The following CHD7 variants were observed in gnomAD, a reference collection of about 807,000 sequenced individuals.
CHD7 encodes the protein chromodomain helicase DNA binding protein 7, also known as ATP-dependent chromatin remodeler CHD7.
A neutral mutation model predicts 307.3 loss-of-function variants in CHD7; 24 were observed. The observed-to-expected ratio is 0.08, with a 90% CI of 0.06 to 0.11. The LOEUF is 0.11. CHD7 is among the 10% of genes least tolerant of loss of function. The pLI, the probability that CHD7 is intolerant of heterozygous loss-of-function variation, is 1.00. For synonymous variants in CHD7, 1,363 were observed against 1,349.9 expected, an observed-to-expected ratio of 1.01 and a Z score of -0.21; for missense variants, 3,106 against 3,727.1, an observed-to-expected ratio of 0.83 and a Z score of 4.34.
chr8:60,781,534 T>G, intron 3 of CHD7, 104 bp downstream of exon 3: 1 of 1,387,580 alleles, frequency 7.2e-7, no homozygotes, highest in Non-Finnish European at 9.4e-7. Flanking sequence ...GACACAATGA[T>G]TTTTGTCATC....
rs1373512004 is a variant in CHD7, at chr8:60,865,418, A to G, written c.8479A>G (p.Thr2827Ala). The G allele has an allele frequency of 1.2e-6, 2 of 1,613,774 alleles. No individual in the cohort carries two copies. The highest frequency in any genetic ancestry group is 2.2e-5 in the East Asian group (1 of 44,884). The change falls in exon 38 of 38, where the codon ACC (threonine) becomes GCC (alanine). Residue 2827 changes from threonine to alanine, a missense_variant. Around this residue, in one of 10 missense-constraint regions of CHD7, gnomAD observed 351 missense variants for 366.2 expected, o/e 0.96. Transcript: ENST00000423902. This position sits in a 1 kb window ranked among gnomAD's most constrained non-coding sequence, Gnocchi z 4.3. The part of the protein sequence containing the change: ...NNPLSAATGN[T>A]TTASSQGEPE... ...CCCTCTGTCAGCTGCTACTGGAAAC[A>G]CCACTACTGCTTCTAGTCAAGGAGA...
chr8:60,832,778 C>G (rs992138143), intron 15 of CHD7, among the ~76,000 whole-genome samples: 1 of 152,132 alleles, frequency 6.6e-6, no homozygotes, highest in African/African-American at 2.4e-5. Context: ...CCCCAAAACA[C>G]AGCTGGTGTG....
chr8:60,682,101 T>C (rs1269397099), intron 1 of CHD7, among the ~76,000 whole-genome samples: 1 of 152,172 alleles, frequency 6.6e-6, no homozygotes, highest in African/African-American at 2.4e-5. Context: ...AGAAATAACT[T>C]TTTTTCCCAA....
rs1175272731 is a variant in CHD7, at chr8:60,742,707, C to T, written c.1275C>T (p.Gly425=). 1.2e-6 allele frequency: 2 copies of T among 1,612,784 alleles called. No homozygotes were observed. The highest frequency in any genetic ancestry group is 1.7e-6 in the Non-Finnish European group (2 of 1,178,852). ...GTGCTGGGATACCAATGGAAGTTGGCAGTTATCCAAATATGCCCCATCCTC... is the reference window on the plus strand; with the variant it reads ...GTGCTGGGATACCAATGGAAGTTGGTAGTTATCCAAATATGCCCCATCCTC... ...PGSAGIPMEV[G]SYPNMPHPQP... is the part of the protein sequence containing the mutation. The change falls in exon 2 of 38, where the codon GGC becomes GGT. Residue 425 remains glycine, a synonymous_variant. Coordinates refer to ENST00000423902, the MANE Select transcript of CHD7 (RefSeq NM_017780.4).
In CHD7 at chr8:60,865,574, G is replaced by A; in HGVS notation, c.8635G>A (p.Ala2879Thr). 1.9e-6 allele frequency: 3 copies of A among 1,614,062 alleles called. No individual in the cohort carries two copies. Among genetic ancestry groups the A allele is most frequent in the Non-Finnish European group, 2.5e-6 (3 of 1,179,904 alleles). The change falls in exon 38 of 38, where the codon GCC becomes ACC. Residue 2879 changes from alanine (A) to threonine (T), a missense_variant. By Grantham distance (58) the Ala-to-Thr change is moderately conservative. Transcript: ENST00000423902. The surrounding 1 kb of genome is among the most constrained non-coding windows in gnomAD (Gnocchi z 4.3). ...GAATGGATCTGTTGGTGCTGCTACT[G>A]CCCCGGCTGGATTGCCCTCAAACCC... ...SANGSVGAAT[A>T]PAGLPSNPLA...
intron 9 of CHD7, among the ~76,000 whole-genome samples, chr8:60,821,384 T>C (rs1261306839): frequency 6.6e-6 from 1 of 152,150 alleles, no homozygotes; most frequent in African/African-American, 2.4e-5. Flanking sequence ...TGTTTCCAGT[T>C]TAGACTTGAG....
intron 1 of CHD7, among the ~76,000 whole-genome samples, chr8:60,716,542 C>G (rs1008447565): frequency 6.6e-6 from 1 of 152,192 alleles, no homozygotes; most frequent in African/African-American, 2.4e-5. Context: ...CAGTTCCTTC[C>G]CGATCATACA....
At chr8:60,809,161 G>A (rs1159079613) in intron 7 of CHD7, among the ~76,000 whole-genome samples, 2 of 152,074 alleles carry the variant, frequency 1.3e-5, no homozygotes, top group Non-Finnish European at 2.9e-5. Context: ...TGTTGTAGTT[G>A]GCACTGTTAA....
At chr8:60,822,797 T>C in intron 12 of CHD7, 51 bp downstream of exon 12, 1 of 1,434,454 alleles carries the variant, frequency 7.0e-7, no homozygotes, top group Non-Finnish European at 9.2e-7. Context: ...CATTTTAAGG[T>C]GTTAAAAAAA....
chr8:60,789,451 A>G (rs957979269), intron 3 of CHD7, among the ~76,000 whole-genome samples: 1 of 152,212 alleles, frequency 6.6e-6, no homozygotes, highest in African/African-American at 2.4e-5. Flanking sequence ...ATTTTTCCCA[A>G]TATGGTGAGA....
At chr8:60,805,722 A>C (rs1456483590) in intron 6 of CHD7, among the ~76,000 whole-genome samples, 2 of 152,184 alleles carry the variant, frequency 1.3e-5, no homozygotes, top group Admixed American at 1.3e-4. Context: ...AATGAGAAGA[A>C]AAGGGACAGT....
At chr8:60,800,315 A>C in intron 4 of CHD7, 73 bp from the exon 5 acceptor site, 1 of 1,498,676 alleles carries the variant, frequency 6.7e-7, no homozygotes, top group Non-Finnish European at 9.1e-7. Flanking sequence ...TACAGGCGTG[A>C]GCCACTGCGC....
At position 60,836,997 on chromosome 8, in the gene CHD7, C is replaced by T. The variant is rs907362259; in HGVS notation, c.4170C>T (p.Pro1390=). Residue 1390 remains proline, a synonymous_variant, in exon 17 of 38, where the codon CCC becomes CCT. Coordinates refer to ENST00000423902, the MANE Select transcript of CHD7 (RefSeq NM_017780.4). Reference sequence around the variant, plus strand: ...TCATCTTTGATTCAGACTGGAATCCCCAAAATGACCTCCAGGTAAATGCAC... The same window carrying T: ...TCATCTTTGATTCAGACTGGAATCCTCAAAATGACCTCCAGGTAAATGCAC... ...TCIIFDSDWN[P]QNDLQAQARC... 5.0e-6 allele frequency: 8 copies of T among 1,608,266 alleles called. No individual in the cohort carries two copies. Among genetic ancestry groups the T allele is most frequent in the South Asian group, 3.3e-5 (3 of 90,436 alleles).
intron 8 of CHD7, among the ~76,000 whole-genome samples, chr8:60,819,668 T>C (rs1349205435): frequency 6.6e-6 from 1 of 152,236 alleles, no homozygotes; most frequent in African/African-American, 2.4e-5. Context: ...AAACTGTAGT[T>C]TCGAGAATGC....
intron 2 of CHD7, among the ~76,000 whole-genome samples, chr8:60,745,846 G>A (rs1809295359): frequency 6.6e-6 from 1 of 152,028 alleles, no homozygotes; most frequent in African/African-American, 2.4e-5. Context: ...TAGTTAAGCA[G>A]GAAAAATAGC....
chr8:60,694,290 A>G lies in CHD7; in HGVS notation c.-175+15208A>G, dbSNP rs529899711. 3.9e-5 allele frequency among the ~76,000 whole-genome samples: 6 copies of G among 152,354 alleles called. No homozygotes were observed. The South Asian group carries it at 6.2e-4, about 16-fold the overall frequency. ...AGTCTGTTGCTACTAACTTGTCGGT[A>G]TAACTTTAATGTTTGTGAAGGTGTG... On this transcript the variant is annotated intron_variant, in intron 1 of 37. Transcript: ENST00000423902.
chr8:60,793,005 A>G (rs542407277), intron 3 of CHD7, among the ~76,000 whole-genome samples: 1 of 152,376 alleles, frequency 6.6e-6, no homozygotes, highest in South Asian at 2.1e-4. Context: ...AGATGGCTTT[A>G]GTCAGTGGCA....
chr8:60,866,123 A>T lies in CHD7; in HGVS notation c.*190A>T, dbSNP rs1032110611. ...TTGGTCATTAAGTATTGTGCAGTGC[A>T]TTATTTATTATCCCTAGGAGAGATG... On this transcript the variant is annotated 3_prime_UTR_variant, in exon 38 of 38. Transcript: ENST00000423902. 2.1e-5 allele frequency: 12 copies of T among 558,414 alleles called. No individual in the cohort carries two copies. The South Asian group carries it at 2.9e-4, about 13-fold the overall frequency. The allele number at this position is 558,414 out of a possible 1,614,324, so 34.6% of individuals were successfully genotyped here.
At chr8:60,753,928 A>C (rs1388238763) in intron 2 of CHD7, among the ~76,000 whole-genome samples, 2 of 152,060 alleles carry the variant, frequency 1.3e-5, no homozygotes, top group Non-Finnish European at 2.9e-5. Context: ...CCCTGCTGCA[A>C]ATCATTAAAT....
Sources: allele counts gnomAD v4.1 joint callset (sites outside exome capture counted in the v4.1 genomes callset), GRCh38; gene constraint gnomAD v4.1.1; regional missense constraint gnomAD v4.1.1; non-coding constraint Gnocchi (gnomAD v3.1); transcripts MANE v1.5; gene names NCBI Gene and HGNC (gene_info 2026-07-23, HGNC 2026-07-21).